The following ACOXL variants were observed in gnomAD, a reference collection of about 807,000 sequenced individuals.
ACOXL encodes acyl-CoA oxidase like.
Under a neutral mutation model 71.9 loss-of-function variants are expected in ACOXL, and 70 were observed. The ratio of observed to expected loss-of-function variants is 0.97; its 90% CI spans 0.80 to 1.19. ACOXL has a LOEUF of 1.19. Among genes scored for constraint, ACOXL ranks in the 50% most tolerant of loss-of-function variants. The pLI is 0.00. For missense variants in ACOXL, 703 were observed against 736.3 expected, an observed-to-expected ratio of 0.95 and a Z score of 0.52; for synonymous variants, 253 against 281.6, an observed-to-expected ratio of 0.90 and a Z score of 1.02.
chr2:111,027,221 A>G (rs549826421), intron 14 of ACOXL, among the ~76,000 whole-genome samples: 1 of 151,460 alleles, frequency 6.6e-6, no homozygotes, highest in South Asian at 2.1e-4. Flanking sequence ...CCCTTCTTAT[A>G]TAGGGGTCTT....
In ACOXL at chr2:110,804,689, G is replaced by A. The variant is rs112800424; in HGVS notation, c.621-574G>A. On this transcript the variant is annotated intron_variant, in intron 8 of 17. Transcript: ENST00000439055. ...AGTACTAACACGTGCTACAACACAG[G>A]TGAACCCTGAAAACATTATGCAAGT... Among the ~76,000 whole-genome samples the A allele has an allele frequency of 3.7e-4, 56 of 152,262 alleles. 1 individual carries two copies. Among genetic ancestry groups the A allele is most frequent in the African/African-American group, 1.3e-3 (52 of 41,520 alleles).
At chr2:110,854,649 T>G (rs1693028078) in intron 10 of ACOXL, among the ~76,000 whole-genome samples, 7 of 152,192 alleles carry the variant, frequency 4.6e-5, no homozygotes, top group Admixed American at 4.6e-4. Flanking sequence ...GGAAGAGCAT[T>G]AAGGAGACTT....
chr2:110,954,996 A>G (rs2061445742), intron 12 of ACOXL, among the ~76,000 whole-genome samples: 1 of 151,960 alleles, frequency 6.6e-6, no homozygotes, highest in Non-Finnish European at 1.5e-5. Flanking sequence ...TTTCATGGCA[A>G]TCTGTTTTTT....
At chr2:111,115,345 TAATC>T (rs1331530004) in intron 17 of ACOXL, among the ~76,000 whole-genome samples, 1 of 152,200 alleles carries the variant, frequency 6.6e-6, no homozygotes, top group Non-Finnish European at 1.5e-5. Context: ...AACTGTGTAA[TAATC>T]AATGCTATAT....
At chr2:110,978,056 A>G (rs183161618) in intron 12 of ACOXL, among the ~76,000 whole-genome samples, 1 of 152,320 alleles carries the variant, frequency 6.6e-6, no homozygotes, top group African/African-American at 2.4e-5. Flanking sequence ...GAGGCCGAAG[A>G]CTGGTATGAT....
intron 10 of ACOXL, among the ~76,000 whole-genome samples, chr2:110,873,875 G>A (rs1471010294): frequency 1.3e-5 from 2 of 152,220 alleles, no homozygotes; most frequent in Admixed American, 1.3e-4. Flanking sequence ...TGTTCTTGAG[G>A]AAGGTCATGC....
intron 14 of ACOXL, among the ~76,000 whole-genome samples, chr2:111,002,200 C>A (rs1169000188): frequency 6.6e-6 from 1 of 152,128 alleles, no homozygotes; most frequent in Non-Finnish European, 1.5e-5. Context: ...AGAATCTGAG[C>A]CAACCATGCA....
rs1312720562 is a variant in ACOXL, at chr2:110,883,230, C to T, written c.789-25559C>T. 2.7e-5 allele frequency among the ~76,000 whole-genome samples: 4 copies of T among 150,612 alleles called. No individual in the cohort carries two copies. In the Admixed American group the frequency reaches 2.7e-4, roughly 10 times the overall value. On this transcript the variant is annotated intron_variant, in intron 10 of 17. Coordinates refer to ENST00000439055, the MANE Select transcript of ACOXL (RefSeq NM_001142807.4). ...GTTCAAGCAATTCTTGTGCCTTAGC[C>T]TCCCAAGAAACTGGGATTACAGGCA...
intron 16 of ACOXL, among the ~76,000 whole-genome samples, chr2:111,078,184 G>A (rs1169472958): frequency 6.6e-6 from 1 of 151,928 alleles, no homozygotes; most frequent in Non-Finnish European, 1.5e-5. Context: ...CCATAGTTCT[G>A]CTTTGGAGCT....
chr2:111,093,612 C>T, intron 17 of ACOXL: 2 of 1,480,932 alleles, frequency 1.4e-6, no homozygotes, highest in South Asian at 2.4e-5. Context: ...TGCCTGTAAT[C>T]CCAGCACTAT....
chr2:110,931,166 A>G (rs945267554), intron 11 of ACOXL, among the ~76,000 whole-genome samples: 16 of 152,202 alleles, frequency 1.1e-4, no homozygotes, highest in African/African-American at 3.6e-4. Context: ...ACTCTAAAAC[A>G]CACTGAACAT....
intron 12 of ACOXL, among the ~76,000 whole-genome samples, chr2:110,941,069 G>A (rs1028698960): frequency 5.3e-5 from 8 of 152,140 alleles, no homozygotes; most frequent in African/African-American, 1.4e-4. Flanking sequence ...CAATATGATC[G>A]TTAAATGAAC....
At chr2:110,780,809 G>A (rs533490093) in intron 2 of ACOXL, among the ~76,000 whole-genome samples, 1 of 152,114 alleles carries the variant, frequency 6.6e-6, no homozygotes, top group African/African-American at 2.4e-5. Context: ...CGAGGCAGGA[G>A]GATTGCTTGA....
At chr2:110,815,107 CCTT>C (rs932497887) in intron 9 of ACOXL, among the ~76,000 whole-genome samples, 3 of 152,090 alleles carry the variant, frequency 2.0e-5, no homozygotes, top group African/African-American at 7.2e-5. Flanking sequence ...GCAAATATGT[CCTT>C]CTTCATATGG....
intron 1 of ACOXL, 65 bp downstream of exon 1, chr2:110,732,839 C>G (rs1227890338): frequency 6.6e-6 from 1 of 152,286 alleles, no homozygotes; most frequent in Non-Finnish European, 1.5e-5. Context: ...CCCCTCGGTC[C>G]CCGGAGCGTC....
chr2:110,790,385 C>T (rs1684498481), intron 3 of ACOXL, among the ~76,000 whole-genome samples: 1 of 152,200 alleles, frequency 6.6e-6, no homozygotes, highest in African/African-American at 2.4e-5. Context: ...CCTGGCTACA[C>T]CTCCCAGCCC....
intron 6 of ACOXL, 73 bp downstream of exon 6, chr2:110,798,797 A>C: frequency 7.2e-7 from 1 of 1,393,792 alleles, no homozygotes; most frequent in Non-Finnish European, 1.0e-6. Context: ...ACCATTTCAC[A>C]GAGCTGCTTT....
chr2:110,963,777 T>G, intron 12 of ACOXL: 1 of 1,581,346 alleles, frequency 6.3e-7, no homozygotes, highest in Admixed American at 1.7e-5. Context: ...TTTCATATAT[T>G]TTATCTTTAT....
intron 1 of ACOXL, among the ~76,000 whole-genome samples, chr2:110,737,576 A>G (rs1379185969): frequency 6.6e-6 from 1 of 152,116 alleles, no homozygotes; most frequent in Admixed American, 6.5e-5. Flanking sequence ...CCATTTGCTT[A>G]GTTTTCTATA....
Sources: gnomAD v4.1 joint callset for allele counts (sites outside exome capture counted in the v4.1 genomes callset) on GRCh38, gnomAD v4.1.1 for gene constraint, MANE v1.5 for transcripts, NCBI Gene and HGNC (gene_info 2026-07-23, HGNC 2026-07-21) for gene names.